SNAP47: variants seen among roughly 807,000 people sequenced by gnomAD.
SNAP47 encodes synaptosome associated protein 47.
A neutral mutation model predicts 31.4 loss-of-function variants in SNAP47; 20 were observed. That is an observed-to-expected ratio of 0.64 (90% CI 0.45 to 0.93). SNAP47 has a LOEUF of 0.93. SNAP47 is among the 40% of genes least tolerant of loss of function. The pLI is 0.00. For missense variants in SNAP47, 492 were observed against 528.5 expected (o/e 0.93, Z 0.68); for synonymous variants, 194 against 213.4 (o/e 0.91, Z 0.79).
At chr1:227,738,088 C>T (rs1376956217) in intron 1 of SNAP47, among the ~76,000 whole-genome samples, 2 of 152,062 alleles carry the variant, frequency 1.3e-5, no homozygotes, top group African/African-American at 4.8e-5. Context: ...GTCACCCAGG[C>T]TGGAGTGCAA....
chr1:227,732,488 G>A (rs566082278), upstream of SNAP47: 22 of 1,613,352 alleles, frequency 1.4e-5, no homozygotes, highest in East Asian at 4.5e-5. Context: ...TCTGGAAGTC[G>A]GGGTGCGCAA....
rs761737665 is a variant in SNAP47, at chr1:227,747,755, A to G, written c.19A>G (p.Ile7Val). 12 of 1,613,920 alleles carry G rather than the reference A, an allele frequency of 7.4e-6. No individual in the cohort carries two copies. The highest frequency in any genetic ancestry group is 1.3e-5 in the African/African-American group (1 of 74,912). The change falls in exon 2 of 5, where the codon ATC becomes GTC. Residue 7 changes from isoleucine to valine, a missense_variant. Physicochemically the swap from Ile to Val is conservative, Grantham distance 29. Transcript: ENST00000617596. ...GGAACAGATGAGCAGGGATGTCTGC[A>G]TCCACACCTGGCCGTGCACCTACTA... Reference protein sequence around the residue: MSRDVCIHTWPCTYYLE... With the variant: MSRDVCVHTWPCTYYLE...
At chr1:227,769,332 G>A (rs1220010014) in intron 4 of SNAP47, among the ~76,000 whole-genome samples, 1 of 151,958 alleles carries the variant, frequency 6.6e-6, no homozygotes, top group Non-Finnish European at 1.5e-5. Flanking sequence ...GTGTGCCTTG[G>A]GGGCAAGGGC....
chr1:227,780,813 TTCTGCACCAGGGGCCTCCCCAGG>T lies in SNAP47; in HGVS notation c.*142_*164del. ...GATGGGGCTGCTACTGTGGGGCTGC[TTCTGCACCAGGGGCCTCCCCAGG>T]TGTGCACCATGCCTGCCTCCCACTT... On this transcript the variant is annotated 3_prime_UTR_variant, in exon 5 of 5. Transcript: ENST00000617596. 1.3e-5 allele frequency: 16 copies of T among 1,235,494 alleles called. No individual in the cohort carries two copies. Among genetic ancestry groups the T allele is most frequent in the Non-Finnish European group, 1.7e-5 (15 of 905,084 alleles). 76.5% of individuals were successfully genotyped at this position (1,235,494 alleles called of 1,614,324 possible).
At chr1:227,773,127 ATTTTTTTTTT>A (rs34140624) in intron 4 of SNAP47, among the ~76,000 whole-genome samples, 7 of 102,370 alleles carry the variant, frequency 6.8e-5, no homozygotes, top group African/African-American at 2.5e-4. Context: ...CGTCCAGCTA[ATTTTTTTTTT>A]TTTTTTTTTT....
At chr1:227,776,327 A>T in intron 4 of SNAP47, 4 of 987,996 alleles carry the variant, frequency 4.0e-6, no homozygotes, top group Non-Finnish European at 4.8e-6. Context: ...TGAAGTTTAT[A>T]AAAGTTTGTT....
intron 4 of SNAP47, chr1:227,770,794 C>T (rs756513632): frequency 5.2e-5 from 8 of 152,644 alleles, no homozygotes; most frequent in South Asian, 2.1e-4. Context: ...AGTGTATGAC[C>T]GCCCTGGCTT....
At chr1:227,744,852 C>G (rs1661855550) in intron 1 of SNAP47, among the ~76,000 whole-genome samples, 1 of 152,188 alleles carries the variant, frequency 6.6e-6, no homozygotes, top group African/African-American at 2.4e-5. Context: ...CACCTGGGAG[C>G]GCCCTGCTGA....
At chr1:227,732,418 C>A (rs1660719410), upstream of SNAP47, 3 of 1,612,878 alleles carry the variant, frequency 1.9e-6, no homozygotes, top group African/African-American at 4.0e-5. Flanking sequence ...GCATCAACAG[C>A]CTCTCTCAGC....
chr1:227,744,486 G>A (rs1057287535), intron 1 of SNAP47, among the ~76,000 whole-genome samples: 4 of 152,110 alleles, frequency 2.6e-5, no homozygotes, highest in South Asian at 2.1e-4. Flanking sequence ...GGGTCATTTC[G>A]CTTTAATGTG....
intron 2 of SNAP47, among the ~76,000 whole-genome samples, chr1:227,753,702 C>G (rs138222012): frequency 1.3e-5 from 2 of 152,240 alleles, no homozygotes; most frequent in Non-Finnish European, 2.9e-5. Context: ...ATTGCAAAAT[C>G]ATGGTGGTTC....
At chr1:227,760,849 A>G (rs575662456) in intron 3 of SNAP47, among the ~76,000 whole-genome samples, 18 of 152,358 alleles carry the variant, frequency 1.2e-4, no homozygotes, top group Non-Finnish European at 4.4e-5. Context: ...TAGAGGCTAT[A>G]GCCACTTCCT....
chr1:227,752,752 T>C (rs1008458239), intron 2 of SNAP47, among the ~76,000 whole-genome samples: 9 of 152,296 alleles, frequency 5.9e-5, no homozygotes, highest in Non-Finnish European at 1.0e-4. Flanking sequence ...AAAGATCACC[T>C]CCCCTGGAGT....
chr1:227,755,352 A>G (rs1473854776), intron 2 of SNAP47, among the ~76,000 whole-genome samples: 1 of 151,956 alleles, frequency 6.6e-6, no homozygotes, highest in African/African-American at 2.4e-5. Flanking sequence ...ACAGGCATGC[A>G]TTACCATGTC....
chr1:227,759,449 T>TC lies in SNAP47; in HGVS notation c.957dup (p.Ala320ArgfsTer22). 1 of 1,614,062 alleles carries TC rather than the reference T, an allele frequency of 6.2e-7. No homozygotes were observed. Among genetic ancestry groups the TC allele is most frequent in the Non-Finnish European group, 8.5e-7 (1 of 1,180,022 alleles). On this transcript the variant is annotated frameshift_variant, in exon 3 of 5. Coordinates refer to ENST00000617596, the MANE Select transcript of SNAP47 (RefSeq NM_053052.4). LOFTEE classifies it high-confidence loss of function. ...GGTGCTCAGAAGCGCAAGAACCTCT[T>TC]CCCCCGCAGAGAAGAGCTGCTCAGT...
At chr1:227,742,861 A>G (rs1194787892) in intron 1 of SNAP47, among the ~76,000 whole-genome samples, 1 of 152,208 alleles carries the variant, frequency 6.6e-6, no homozygotes, top group Non-Finnish European at 1.5e-5. Context: ...TGAGAAGCAG[A>G]CATCTTTGTG....
chr1:227,761,732 C>T (rs181269458), intron 3 of SNAP47, among the ~76,000 whole-genome samples: 1 of 152,192 alleles, frequency 6.6e-6, no homozygotes. Context: ...GTATGTGTGG[C>T]GTCAGGCAGG....
chr1:227,779,001 G>A (rs894971126), intron 4 of SNAP47, among the ~76,000 whole-genome samples: 2 of 152,210 alleles, frequency 1.3e-5, no homozygotes, highest in African/African-American at 2.4e-5. Flanking sequence ...CACCTCTGCC[G>A]TGTGCCTGTG....
At chr1:227,752,084 T>C (rs1461549419) in intron 2 of SNAP47, among the ~76,000 whole-genome samples, 1 of 152,088 alleles carries the variant, frequency 6.6e-6, no homozygotes, top group Non-Finnish European at 1.5e-5. Flanking sequence ...TTTTTAAGTA[T>C]AATTATTTTT....
Sources: allele counts gnomAD v4.1 joint callset (sites outside exome capture counted in the v4.1 genomes callset), GRCh38; gene constraint gnomAD v4.1.1; transcripts MANE v1.5; gene names NCBI Gene and HGNC (gene_info 2026-07-23, HGNC 2026-07-21).